The following SYNPO2 variants were observed in gnomAD, a reference collection of about 807,000 sequenced individuals.
SYNPO2 encodes synaptopodin 2.
SYNPO2 carries 56 observed loss-of-function variants against 85.0 expected under a neutral mutation model. That is an observed-to-expected ratio of 0.66 (90% CI 0.53 to 0.82). The LOEUF (loss-of-function observed/expected upper bound fraction) is 0.82. SYNPO2 is among the 40% of genes least tolerant of loss of function. The pLI, the probability that SYNPO2 is intolerant of heterozygous loss-of-function variation, is 0.00. For missense variants in SYNPO2, 1,575 were observed against 1,534.2 expected, an observed-to-expected ratio of 1.03 and a Z score of -0.44; for synonymous variants, 602 against 591.1, an observed-to-expected ratio of 1.02 and a Z score of -0.27.
chr4:119,016,210 T>C (rs1407659678), intron 1 of SYNPO2, among the ~76,000 whole-genome samples: 1 of 152,160 alleles, frequency 6.6e-6, no homozygotes, highest in African/African-American at 2.4e-5. Flanking sequence ...GTATACGAGG[T>C]CAGGAGTTCG....
At chr4:118,885,615 G>A (rs897083138), upstream of SYNPO2, among the ~76,000 whole-genome samples, 1 of 152,046 alleles carries the variant, frequency 6.6e-6, no homozygotes, top group Non-Finnish European at 1.5e-5. Context: ...TGGGATTACA[G>A]GTGTGCACCA....
At chr4:118,879,683 C>G (rs1578514724) in intron 1 of SYNPO2, among the ~76,000 whole-genome samples, 1 of 152,280 alleles carries the variant, frequency 6.6e-6, no homozygotes, top group South Asian at 2.1e-4. Flanking sequence ...GAGACTAAAA[C>G]ACGAGGGGCT....
chr4:118,995,926 T>C (rs1203114583), intron 1 of SYNPO2, among the ~76,000 whole-genome samples: 1 of 151,976 alleles, frequency 6.6e-6, no homozygotes, highest in Non-Finnish European at 1.5e-5. Context: ...ATTTTGCTTT[T>C]TTCTGTCTTG....
At chr4:118,990,467 G>C (rs1736375470) in intron 1 of SYNPO2, among the ~76,000 whole-genome samples, 3 of 152,190 alleles carry the variant, frequency 2.0e-5, no homozygotes, top group Admixed American at 1.3e-4. Flanking sequence ...TATTGTGCCA[G>C]ATGCTGGGGA....
chr4:118,992,576 AG>A (rs535885337), intron 1 of SYNPO2, among the ~76,000 whole-genome samples: 38 of 152,308 alleles, frequency 2.5e-4, no homozygotes, highest in Non-Finnish European at 4.3e-4. Context: ...TTGACCCCAA[AG>A]ACCCTCTGAA....
intron 1 of SYNPO2, among the ~76,000 whole-genome samples, chr4:119,023,212 G>A (rs1211755072): frequency 6.6e-6 from 1 of 151,876 alleles, no homozygotes; most frequent in Non-Finnish European, 1.5e-5. Context: ...TACTTACAAT[G>A]CTATGAATTA....
chr4:118,961,189 T>A (rs1489499831), intron 1 of SYNPO2, among the ~76,000 whole-genome samples: 1 of 143,472 alleles, frequency 7.0e-6, no homozygotes, highest in East Asian at 2.1e-4. Flanking sequence ...TGGCCTCTAG[T>A]GAGTAGAGTC....
rs371846402 is a variant in SYNPO2 at position 118,959,931 on chromosome 4, A to G, written c.106-63499A>G. Among the ~76,000 whole-genome samples, 4 of 152,290 alleles carry G rather than the reference A, an allele frequency of 2.6e-5. No homozygotes were observed. In the East Asian group the frequency reaches 5.8e-4, roughly 22 times the overall value. On this transcript the variant is annotated intron_variant, in intron 1 of 4. Transcript: ENST00000307142. ...TTGGGACGGAGGCCTTTGCAGATGT[A>G]ATTAATTAAGGAACTTGCGCTGGAG...
At chr4:119,049,888 C>T (rs13137064) in intron 4 of SYNPO2, among the ~76,000 whole-genome samples, 51,646 of 152,060 alleles carry the variant, frequency 0.34, 9,243 homozygotes, top group East Asian at 0.57. Context: ...GTATTCCCTA[C>T]GGCCCGGTCA....
At chr4:118,944,923 C>A (rs1285317230) in intron 1 of SYNPO2, among the ~76,000 whole-genome samples, 1 of 152,148 alleles carries the variant, frequency 6.6e-6, no homozygotes, top group African/African-American at 2.4e-5. Context: ...TTAAGCACTG[C>A]AGTCAGGATC....
intron 1 of SYNPO2, among the ~76,000 whole-genome samples, chr4:119,007,216 G>GTATATATATATATATATATATATATA (rs66895824): frequency 2.2e-5 from 1 of 46,286 alleles, no homozygotes; most frequent in Non-Finnish European, 4.3e-5. Flanking sequence ...AAGAACAAAG[G>GTATATATATATATATATATATATATA]TATATATATA....
chr4:118,884,020 G>T (rs1732157717), upstream of SYNPO2, among the ~76,000 whole-genome samples: 1 of 152,164 alleles, frequency 6.6e-6, no homozygotes, highest in Non-Finnish European at 1.5e-5. Context: ...CCCCATAAGG[G>T]TGACACAATA....
intron 1 of SYNPO2, among the ~76,000 whole-genome samples, chr4:119,011,629 G>C (rs988604242): frequency 1.3e-5 from 2 of 152,186 alleles, no homozygotes; most frequent in Non-Finnish European, 2.9e-5. Flanking sequence ...AAAGTAAGAG[G>C]TTTAGGAGTG....
chr4:118,921,393 G>A (rs147739330), intron 1 of SYNPO2, among the ~76,000 whole-genome samples: 6 of 152,054 alleles, frequency 3.9e-5, no homozygotes, highest in African/African-American at 1.4e-4. Context: ...ACCCATCTTC[G>A]ACACAACAGC....
intron 1 of SYNPO2, among the ~76,000 whole-genome samples, chr4:118,959,008 A>G (rs1257290641): frequency 6.6e-6 from 1 of 152,152 alleles, no homozygotes; most frequent in Non-Finnish European, 1.5e-5. Flanking sequence ...TTGACCCTAC[A>G]TGGTATATTT....
rs1470462012 is a variant in SYNPO2, at chr4:119,060,424, T to G, written c.*2490T>G. 1 of 151,540 alleles carries G rather than the reference T, an allele frequency of 6.6e-6. No homozygotes were observed. The allele number at this position is 151,540 out of a possible 1,614,324, so 9.4% of individuals were successfully genotyped here. On this transcript the variant is annotated 3_prime_UTR_variant, in exon 5 of 5. Transcript: ENST00000307142. ...ATGAACCTGAAAATCAAAGTGCCAT[T>G]GTTAAATCATCCTAAAGTGTACTGT...
Position 118,920,582 on chromosome 4 carries a change from C to T in SYNPO2, c.105+31441C>T, listed in dbSNP as rs113839776. Among the ~76,000 whole-genome samples the T allele has an allele frequency of 5.1e-3, 777 of 152,216 alleles. 7 individuals carry two copies. Among genetic ancestry groups the T allele is most frequent in the African/African-American group, 0.017 (688 of 41,534 alleles). ...AATCCACCATGGAACAGAGGAAAGGCAATAATTTTCTGTCTTTCTCTAAAC... is the reference window on the plus strand; with the variant it reads ...AATCCACCATGGAACAGAGGAAAGGTAATAATTTTCTGTCTTTCTCTAAAC... On this transcript the variant is annotated intron_variant, in intron 1 of 4. Coordinates refer to ENST00000307142, the MANE Select transcript of SYNPO2 (RefSeq NM_133477.3).
intron 3 of SYNPO2, 30 bp from the exon 4 acceptor site, chr4:119,029,815 A>G: frequency 6.9e-7 from 1 of 1,449,834 alleles, no homozygotes; most frequent in Non-Finnish European, 9.0e-7. Context: ...CATCAGCTCA[A>G]TATAATTTTT....
intron 1 of SYNPO2, among the ~76,000 whole-genome samples, chr4:118,944,193 T>G (rs969100512): frequency 6.6e-6 from 1 of 152,080 alleles, no homozygotes; most frequent in African/African-American, 2.4e-5. Context: ...CAAGTGCACA[T>G]TAAGTGTACT....
Sources: allele counts gnomAD v4.1 joint callset (sites outside exome capture counted in the v4.1 genomes callset), GRCh38; gene constraint gnomAD v4.1.1; transcripts MANE v1.5; gene names NCBI Gene and HGNC (gene_info 2026-07-23, HGNC 2026-07-21).